The following CEP63 variants were observed in gnomAD, a reference collection of about 807,000 sequenced individuals.
CEP63 encodes the protein centrosomal protein 63.
A neutral mutation model predicts 89.1 loss-of-function variants in CEP63; 84 were observed. The ratio of observed to expected loss-of-function variants is 0.94; its 90% CI spans 0.79 to 1.13. The LOEUF (loss-of-function observed/expected upper bound fraction) is 1.13, where lower values mean the gene tolerates loss of function less well. Ranked by LOEUF, CEP63 falls within the 50% of genes most tolerant of loss-of-function variation. The pLI is 0.00. For synonymous variants in CEP63, 267 were observed against 272.5 expected, an observed-to-expected ratio of 0.98 and a Z score of 0.20; for missense variants, 838 against 813.3, an observed-to-expected ratio of 1.03 and a Z score of -0.37.
chr3:134,673,310 A>G, the CEP63 span, among the ~76,000 whole-genome samples: 1 of 152,026 alleles, frequency 6.6e-6, no homozygotes, highest in South Asian at 2.1e-4. Flanking sequence ...TCCCCCCTCC[A>G]ACTGTCTCAT....
chr3:134,638,327 C>G, the CEP63 span, among the ~76,000 whole-genome samples: 25 of 152,196 alleles, frequency 1.6e-4, no homozygotes, highest in Admixed American at 1.6e-3. Flanking sequence ...TGTGGCCAAT[C>G]TCTAACAGAG....
chr3:134,744,921 A>G, the CEP63 span, among the ~76,000 whole-genome samples: 2 of 152,232 alleles, frequency 1.3e-5, no homozygotes, highest in African/African-American at 4.8e-5. Flanking sequence ...CTAAAAAACC[A>G]GCCTTATTGA....
downstream of CEP63, among the ~76,000 whole-genome samples, chr3:134,565,439 A>G (rs535316484): frequency 3.3e-5 from 5 of 152,354 alleles, no homozygotes; most frequent in Non-Finnish European, 7.3e-5. Context: ...CGAGTCCAGT[A>G]CCTAAAAGTT....
chr3:134,665,691 AC>A, the CEP63 span, among the ~76,000 whole-genome samples: 2 of 138,654 alleles, frequency 1.4e-5, no homozygotes, highest in Non-Finnish European at 1.6e-5. Context: ...ACACACACAC[AC>A]ACACACACAC....
chr3:134,544,439 T>A (rs535748737), intron 6 of CEP63, among the ~76,000 whole-genome samples: 1 of 152,318 alleles, frequency 6.6e-6, no homozygotes, highest in South Asian at 2.1e-4. Context: ...TTTGTTTACC[T>A]CTTTTAACTC....
the CEP63 span, among the ~76,000 whole-genome samples, chr3:134,696,495 A>C: frequency 6.6e-6 from 1 of 152,198 alleles, no homozygotes; most frequent in Admixed American, 6.5e-5. Flanking sequence ...CCTGAGTCTG[A>C]TTCTGGGTAT....
the CEP63 span, among the ~76,000 whole-genome samples, chr3:134,753,620 A>G: frequency 6.6e-6 from 1 of 152,228 alleles, no homozygotes; most frequent in Admixed American, 6.5e-5. Context: ...CTATCATGGT[A>G]GGAAAACATA....
At chr3:134,550,958 A>T (rs139050238) in intron 11 of CEP63, among the ~76,000 whole-genome samples, 2 of 152,308 alleles carry the variant, frequency 1.3e-5, no homozygotes, top group African/African-American at 4.8e-5. Context: ...TTTGATTGGC[A>T]GGGAAGGTGA....
Position 134,545,758 on chromosome 3 carries a change from C to T in CEP63, c.728C>T (p.Thr243Ile), listed in dbSNP as rs777739864. The T allele has an allele frequency of 1.9e-6, 3 of 1,614,102 alleles. No homozygotes were observed. In the Admixed American group the frequency reaches 5.0e-5, roughly 27 times the overall value. ...AATGACTTGGTTGGAACCAGTATGA[C>T]TGTCCTACAGGAGCAGCAGCAAAAA... ...RVNDLVGTSMTVLQEQQQKEE... is the reference protein window; with the variant it reads ...RVNDLVGTSMIVLQEQQQKEE... The change falls in exon 7 of 15, where the codon ACT (threonine) becomes ATT (isoleucine). Residue 243 changes from threonine to isoleucine, a missense_variant. Thr to Ile is a moderately conservative substitution (Grantham distance 89). Coordinates refer to ENST00000675561, the MANE Select transcript of CEP63 (RefSeq NM_001353108.3).
At chr3:134,574,944 T>G (rs973658614) in exon 12 of CEP63, 20 of 486,110 alleles carry the variant, frequency 4.1e-5, no homozygotes, top group African/African-American at 3.6e-4. Context: ...GAAACAAGAA[T>G]CTCAATTAGA....
At chr3:134,637,843 AAC>A in the CEP63 span, among the ~76,000 whole-genome samples, 1 of 152,188 alleles carries the variant, frequency 6.6e-6, no homozygotes. Context: ...CAAGGTGAAA[AAC>A]AAACTGCTGT....
the CEP63 span, among the ~76,000 whole-genome samples, chr3:134,615,795 C>G: frequency 6.6e-6 from 1 of 152,188 alleles, no homozygotes; most frequent in Non-Finnish European, 1.5e-5. Context: ...CTTTTGGGGC[C>G]TTTGGAACCA....
the CEP63 span, among the ~76,000 whole-genome samples, chr3:134,626,711 C>A: frequency 6.6e-6 from 1 of 152,208 alleles, no homozygotes; most frequent in Non-Finnish European, 1.5e-5. Flanking sequence ...TCTGGGCCAG[C>A]ATGGTTTGAG....
chr3:134,554,677 T>C (rs1202242332), intron 12 of CEP63, among the ~76,000 whole-genome samples: 6 of 152,192 alleles, frequency 3.9e-5, no homozygotes, highest in Non-Finnish European at 8.8e-5. Flanking sequence ...CCACAATGGT[T>C]GAACTACTTT....
At chr3:134,773,644 C>T in the CEP63 span, among the ~76,000 whole-genome samples, 2 of 152,170 alleles carry the variant, frequency 1.3e-5, no homozygotes. Flanking sequence ...CTTACATTTT[C>T]AGCAATTTGC....
chr3:134,603,395 C>T, the CEP63 span: 2 of 564,086 alleles, frequency 3.5e-6, no homozygotes, highest in Admixed American at 3.4e-5. Context: ...ACAGCCACAC[C>T]TGAGTGAAGC....
chr3:134,701,928 C>G, the CEP63 span, among the ~76,000 whole-genome samples: 2 of 152,122 alleles, frequency 1.3e-5, no homozygotes, highest in South Asian at 4.1e-4. Flanking sequence ...CCCCATCCCA[C>G]AAAAACAAGC....
chr3:134,713,849 G>T, the CEP63 span, among the ~76,000 whole-genome samples: 1 of 152,198 alleles, frequency 6.6e-6, no homozygotes, highest in Non-Finnish European at 1.5e-5. Context: ...TAAAATGAAA[G>T]TAATCATGGT....
chr3:134,697,912 C>A, the CEP63 span, among the ~76,000 whole-genome samples: 1 of 152,256 alleles, frequency 6.6e-6, no homozygotes, highest in African/African-American at 2.4e-5. Context: ...AGCTGGCTGG[C>A]AGGCGGGGCC....
Sources: allele counts gnomAD v4.1 joint callset (sites outside exome capture counted in the v4.1 genomes callset), GRCh38; gene constraint gnomAD v4.1.1; transcripts MANE v1.5; gene names NCBI Gene and HGNC (gene_info 2026-07-23, HGNC 2026-07-21).